Variants in TMTC3 observed in about 807,000 individuals in gnomAD.
TMTC3 encodes the protein transmembrane O-mannosyltransferase targeting cadherins 3.
Under a neutral mutation model 92.2 loss-of-function variants are expected in TMTC3, and 52 were observed. The observed-to-expected ratio is 0.56, with a 90% CI of 0.45 to 0.71. TMTC3 has a LOEUF of 0.71. Ranked by LOEUF, TMTC3 falls within the 30% of genes least tolerant of loss-of-function variation. TMTC3 has a pLI of 0.00. For synonymous variants in TMTC3, 339 were observed against 363.3 expected, an observed-to-expected ratio of 0.93 and a Z score of 0.76; for missense variants, 896 against 1,057.1, an observed-to-expected ratio of 0.85 and a Z score of 2.11.
rs760372507 is a variant in TMTC3, at chr12:88,148,514, T to TAC, written c.189+11_189+12dup. 2 of 1,562,514 alleles carry TAC rather than the reference T, an allele frequency of 1.3e-6. No homozygotes were observed. Among genetic ancestry groups the TAC allele is most frequent in the East Asian group, 4.5e-5 (2 of 44,296 alleles). ...AACCCCTATGTCTGAGGTAAGTAATTACTTACATATTACTTGTACATGTCT... is the reference window on the plus strand; with the variant it reads ...AACCCCTATGTCTGAGGTAAGTAATTACACTTACATATTACTTGTACATGTCT... On this transcript the variant is annotated intron_variant, in intron 2 of 13. Coordinates refer to ENST00000266712, the MANE Select transcript of TMTC3 (RefSeq NM_181783.4).
intron 10 of TMTC3, among the ~76,000 whole-genome samples, chr12:88,180,413 A>G (rs2041304588): frequency 6.6e-6 from 1 of 152,176 alleles, no homozygotes; most frequent in East Asian, 1.9e-4. Flanking sequence ...AGGCGGATTT[A>G]GAAGATGGGC....
Position 88,176,326 on chromosome 12 carries a change from A to G in TMTC3, c.1432+7A>G. ...GCTACCCATGTTCAGCCAGGTAAGC[A>G]TTATTAACTAATAAAATCATGAATT... On this transcript the variant is annotated splice_region_variant and intron_variant, in intron 10 of 13. Coordinates refer to ENST00000266712, the MANE Select transcript of TMTC3 (RefSeq NM_181783.4). The G allele has an allele frequency of 6.4e-7, 1 of 1,554,874 alleles. No individual in the cohort carries two copies. Among genetic ancestry groups the G allele is most frequent in the Non-Finnish European group, 8.8e-7 (1 of 1,141,642 alleles).
chr12:88,172,671 G>A lies in TMTC3; in HGVS notation c.1125G>A (p.Glu375=), dbSNP rs2138407176. Residue 375 remains glutamate, a synonymous_variant, in exon 8 of 14, where the codon GAG becomes GAA. Coordinates refer to ENST00000266712, the MANE Select transcript of TMTC3 (RefSeq NM_181783.4). ...TTCCAGTTGGATTTGTTGTTGCCGA[G>A]CGAGTATTATATGTTCCCAGCATGG... The part of the protein sequence containing the change: ...LFFPVGFVVA[E]RVLYVPSMGF... 1 of 1,591,884 alleles carries A rather than the reference G, an allele frequency of 6.3e-7. No individual in the cohort carries two copies. The highest frequency in any genetic ancestry group is 8.5e-7 in the Non-Finnish European group (1 of 1,169,828).
intron 2 of TMTC3, among the ~76,000 whole-genome samples, chr12:88,151,983 TTG>T (rs1172845242): frequency 1.3e-5 from 2 of 152,196 alleles, no homozygotes; most frequent in Non-Finnish European, 2.9e-5. Context: ...GATTTATTCT[TTG>T]TGTTTCCTAA....
chr12:88,197,061 G>A lies in TMTC3; in HGVS notation c.*1412G>A, dbSNP rs1028449989. The A allele has an allele frequency of 6.6e-6, 1 of 151,524 alleles. No homozygotes were observed. The highest frequency in any genetic ancestry group is 6.6e-5 in the Admixed American group (1 of 15,148). The allele number at this position is 151,524 out of a possible 1,614,324, so 9.4% of individuals were successfully genotyped here. ...TATGAAAGCTCTGGCTATCATCCTGGGATAGTAATTTCTAATTATATAGTA... is the reference window on the plus strand; with the variant it reads ...TATGAAAGCTCTGGCTATCATCCTGAGATAGTAATTTCTAATTATATAGTA... On this transcript the variant is annotated 3_prime_UTR_variant, in exon 14 of 14. Transcript: ENST00000266712.
chr12:88,160,676 C>A lies in TMTC3; in HGVS notation c.625-3C>A, dbSNP rs1243600318. 6.2e-7 allele frequency: 1 copy of A among 1,610,942 alleles called. No homozygotes were observed. The highest frequency in any genetic ancestry group is 8.5e-7 in the Non-Finnish European group (1 of 1,178,906). ...TGCTTAAAACATTTCTTTTCTTTTT[C>A]AGTATACTTTGCCATTACTATGTAC... On this transcript the variant is annotated splice_polypyrimidine_tract_variant and splice_region_variant and intron_variant, in intron 5 of 13. Transcript: ENST00000266712.
chr12:88,183,664 A>G (rs1408388088), intron 10 of TMTC3, among the ~76,000 whole-genome samples: 1 of 152,144 alleles, frequency 6.6e-6, no homozygotes, highest in African/African-American at 2.4e-5. Context: ...CCATAACATT[A>G]GAGATGCTAC....
chr12:88,146,629 AT>A (rs759314302), intron 1 of TMTC3, among the ~76,000 whole-genome samples: 73 of 149,542 alleles, frequency 4.9e-4, no homozygotes, highest in Non-Finnish European at 1.0e-3. Context: ...ATATATACAT[AT>A]ATATGTATAT....
At chr12:88,146,919 A>G (rs1309774108) in intron 1 of TMTC3, among the ~76,000 whole-genome samples, 1 of 150,164 alleles carries the variant, frequency 6.7e-6, no homozygotes. Flanking sequence ...TAATATGTTT[A>G]TTATACGTAT....
chr12:88,165,892 G>A (rs2041137841), intron 6 of TMTC3, among the ~76,000 whole-genome samples: 1 of 152,078 alleles, frequency 6.6e-6, no homozygotes, highest in South Asian at 2.1e-4. Context: ...TTTTTAATTA[G>A]CATTTAGCTC....
chr12:88,192,203 T>G (rs940416190), intron 12 of TMTC3, among the ~76,000 whole-genome samples: 2 of 152,068 alleles, frequency 1.3e-5, no homozygotes, highest in African/African-American at 4.8e-5. Flanking sequence ...TTTCTTCTAA[T>G]GCTGTTATTT....
rs373633009 is a variant in TMTC3, at chr12:88,157,964, C to G, written c.509-2150C>G. Among the ~76,000 whole-genome samples, 14 of 152,182 alleles carry G rather than the reference C, an allele frequency of 9.2e-5. No individual in the cohort carries two copies. In the East Asian group the frequency reaches 1.7e-3, roughly 19 times the overall value. ...AAAAGGTAACCATTTGCTTGTTCTT[C>G]CTTGAAGTAGAAATACAAATTACTG... On this transcript the variant is annotated intron_variant, in intron 4 of 13. Transcript: ENST00000266712.
chr12:88,183,465 C>T (rs2041341296), intron 10 of TMTC3, among the ~76,000 whole-genome samples: 1 of 152,156 alleles, frequency 6.6e-6, no homozygotes, highest in Admixed American at 6.5e-5. Flanking sequence ...TAGTGTATCC[C>T]TTGTCTTTCT....
Position 88,196,688 on chromosome 12 carries a change from A to G in TMTC3, c.*1039A>G, listed in dbSNP as rs909483044. Reference sequence around the variant, plus strand: ...ACTTCTTGATATTTTGTTATGGTATATCTTTTTATTAAATATTTATTTTGA... The same window carrying G: ...ACTTCTTGATATTTTGTTATGGTATGTCTTTTTATTAAATATTTATTTTGA... On this transcript the variant is annotated 3_prime_UTR_variant, in exon 14 of 14. Transcript: ENST00000266712. The G allele has an allele frequency of 6.6e-6, 1 of 151,960 alleles. No homozygotes were observed. The highest frequency in any genetic ancestry group is 1.5e-5 in the Non-Finnish European group (1 of 67,828). 9.4% of individuals were successfully genotyped at this position (151,960 alleles called of 1,614,324 possible).
At chr12:88,176,101 A>G (rs2041255950) in intron 9 of TMTC3, 107 bp from the exon 10 acceptor site, 2 of 747,854 alleles carry the variant, frequency 2.7e-6, no homozygotes, top group Admixed American at 5.9e-5. Context: ...CCCCAGAGAC[A>G]TTTCCATAGA....
intron 8 of TMTC3, 116 bp downstream of exon 8, chr12:88,172,861 C>T: frequency 6.8e-7 from 1 of 1,474,130 alleles, no homozygotes; most frequent in Non-Finnish European, 9.0e-7. Context: ...TTTGGTTTTT[C>T]ATCTCCATAG....
chr12:88,155,481 C>G (rs775328200), intron 4 of TMTC3, among the ~76,000 whole-genome samples: 1 of 152,178 alleles, frequency 6.6e-6, no homozygotes, highest in African/African-American at 2.4e-5. Flanking sequence ...AATTACCTGT[C>G]TAATCATATC....
At chr12:88,157,699 G>A (rs368997424) in intron 4 of TMTC3, among the ~76,000 whole-genome samples, 17 of 152,120 alleles carry the variant, frequency 1.1e-4, no homozygotes, top group African/African-American at 4.1e-4. Flanking sequence ...TTTTACACAT[G>A]TAGAGTCAGT....
At chr12:88,142,774 A>T (rs1284447086) in intron 1 of TMTC3, among the ~76,000 whole-genome samples, 1 of 152,214 alleles carries the variant, frequency 6.6e-6, no homozygotes, top group Non-Finnish European at 1.5e-5. Flanking sequence ...AATTGACAAG[A>T]GGTCTCGGCA....
Sources: gnomAD v4.1 joint callset for allele counts (sites outside exome capture counted in the v4.1 genomes callset) on GRCh38, gnomAD v4.1.1 for gene constraint, MANE v1.5 for transcripts, NCBI Gene and HGNC (gene_info 2026-07-23, HGNC 2026-07-21) for gene names.